KLHDC7B: variants seen among roughly 807,000 people sequenced by gnomAD.
The protein encoded by KLHDC7B is kelch domain containing 7B.
KLHDC7B carries 1 observed loss-of-function variant against 0.6 expected under a neutral mutation model. That is an observed-to-expected ratio of 1.71 (90% CI 0.61 to 8.11). KLHDC7B has a LOEUF of 8.11. Ranked by LOEUF, KLHDC7B falls within the 30% of genes most tolerant of loss-of-function variation. The probability of loss-of-function intolerance (pLI) is 0.13; values close to 1 mark genes in which losing one functional copy is unlikely to be tolerated. For missense variants in KLHDC7B, 993 were observed against 894.9 expected (o/e 1.11, Z -1.40); for synonymous variants, 462 against 405.2 (o/e 1.14, Z -1.68).
chr22:50,549,006 G>A lies in KLHDC7B; in HGVS notation c.2763G>A (p.Arg921=). 3 of 1,595,446 alleles carry A rather than the reference G, an allele frequency of 1.9e-6. No homozygotes were observed. ...RILSLRTGRG[R]AVLGVLVLPS... is the part of the protein sequence containing the mutation. ...TCAGCCTGCGGACCGGCCGGGGCCG[G>A]GCGGTGCTGGGCGTCCTCGTACTGC... Residue 921 remains arginine (R), a synonymous_variant, in exon 1 of 1, where the codon CGG becomes CGA. Coordinates refer to ENST00000648057, the MANE Select transcript of KLHDC7B (RefSeq NM_138433.5).
chr22:50,548,793 C>T lies in KLHDC7B; in HGVS notation c.2550C>T (p.Ala850=). The change falls in exon 1 of 1, where the codon GCC becomes GCT. Residue 850 remains alanine (A), a synonymous_variant. Transcript: ENST00000648057. This position sits in a 1 kb window ranked among gnomAD's most constrained non-coding sequence, Gnocchi z 5.3. ...RKPSSRALEP[A]TAAALRRRLD... The stretch of plus-strand genomic sequence containing the variant: ...CCAGCTCCCGGGCCCTGGAGCCCGC[C>T]ACGGCGGCAGCCCTGCGGCGGCGGC... The T allele has an allele frequency of 6.8e-7, 1 of 1,462,234 alleles. No individual in the cohort carries two copies. Among genetic ancestry groups the T allele is most frequent in the Non-Finnish European group, 9.0e-7 (1 of 1,112,526 alleles). The allele number at this position is 1,462,234 out of a possible 1,614,324, so 90.6% of individuals were successfully genotyped here. A position where few individuals can be genotyped will look rare whatever the true frequency, so the allele number is the denominator to read the frequency against.
In KLHDC7B at chr22:50,548,019, C is replaced by T. The variant is rs2069752650; in HGVS notation, c.1776C>T (p.Ser592=). 1 of 629,526 alleles carries T rather than the reference C, an allele frequency of 1.6e-6. No individual in the cohort carries two copies. Among genetic ancestry groups the T allele is most frequent in the Non-Finnish European group, 2.3e-6 (1 of 437,340 alleles). 39.0% of individuals were successfully genotyped at this position (629,526 alleles called of 1,614,324 possible). A position where few individuals can be genotyped will look rare whatever the true frequency, so the allele number is the denominator to read the frequency against. Residue 592 remains serine (S), a synonymous_variant, in exon 1 of 1, where the codon TCC becomes TCT. Transcript: ENST00000648057. This position sits in a 1 kb window ranked among gnomAD's most constrained non-coding sequence, Gnocchi z 5.3. ...APTPAPTPAA[S]PAPAPTSAPT... ...CTCCAGCCCCAACCCCAGCCGCATC[C>T]CCTGCCCCAGCCCCCACCTCAGCCC...
chr22:50,548,049 CCCA>C lies in KLHDC7B; in HGVS notation c.1807_1809del (p.Pro603del). The C allele has an allele frequency of 8.5e-7, 1 of 1,183,154 alleles. No individual in the cohort carries two copies. Among genetic ancestry groups the C allele is most frequent in the Non-Finnish European group, 1.1e-6 (1 of 923,836 alleles). 73.3% of individuals were successfully genotyped at this position (1,183,154 alleles called of 1,614,324 possible). ...CCCCAGCCCCCACCTCAGCCCCAAC[CCCA>C]ACCCCAGCCGCATCCCCTGCCCCAG... is the stretch of plus-strand genomic sequence containing the variant. On this transcript the variant is annotated inframe_deletion, in exon 1 of 1. Transcript: ENST00000648057. This position sits in a 1 kb window ranked among gnomAD's most constrained non-coding sequence, Gnocchi z 5.3.
In KLHDC7B at chr22:50,549,103, C is replaced by T. The variant is rs1569030325; in HGVS notation, c.2860C>T (p.Pro954Ser). 1 of 1,601,194 alleles carries T rather than the reference C, an allele frequency of 6.2e-7. No homozygotes were observed. The highest frequency in any genetic ancestry group is 1.7e-5 in the Admixed American group (1 of 60,002). The change falls in exon 1 of 1, where the codon CCT becomes TCT. Residue 954 changes from proline (P) to serine (S), a missense_variant. By Grantham distance (74) the Pro-to-Ser change is moderately conservative. Coordinates refer to ENST00000648057, the MANE Select transcript of KLHDC7B (RefSeq NM_138433.5). Reference protein sequence around the residue: ...PRGEEPPAAAPVSLPLPAHLH... With the variant: ...PRGEEPPAAASVSLPLPAHLH... Reference sequence around the variant, plus strand: ...TGGCGAGGAGCCTCCTGCGGCGGCCCCTGTGTCCCTGCCTCTACCTGCGCA... The same window carrying T: ...TGGCGAGGAGCCTCCTGCGGCGGCCTCTGTGTCCCTGCCTCTACCTGCGCA...
chr22:50,549,744 G>GGCCGCCC lies in KLHDC7B; in HGVS notation c.1578_1579insGCCGCCC (p.Pro527AlafsTer63). Reference sequence around the variant, plus strand: ...GGAGCAGGGCTGCCTCCCTGCCCCTGCCCGCCCCCGCCCCACTGCACTGCA... The same window carrying GGCCGCCC: ...GGAGCAGGGCTGCCTCCCTGCCCCTGGCCGCCCCCCGCCCCCGCCCCACTGCACTGCA... On this transcript the variant is annotated frameshift_variant, in exon 1 of 1. Transcript: ENST00000395676. LOFTEE classifies it low-confidence loss of function (END_TRUNC). 5 of 1,554,534 alleles carry GGCCGCCC rather than the reference G, an allele frequency of 3.2e-6. No individual in the cohort carries two copies. Among genetic ancestry groups the GGCCGCCC allele is most frequent in the Non-Finnish European group, 4.3e-6 (5 of 1,152,358 alleles).
chr22:50,547,438 AAGCCGGCTGC>A, upstream of KLHDC7B: 1 of 369,856 alleles, frequency 2.7e-6, no homozygotes, highest in South Asian at 1.4e-4. Context: ...GGAGCAAGCA[AAGCCGGCTGC>A]AGCCGGCCAC....
In KLHDC7B at chr22:50,550,304, G is replaced by A. The variant is rs778362320; in HGVS notation, c.*353G>A. On this transcript the variant is annotated 3_prime_UTR_variant, in exon 1 of 1. Coordinates refer to ENST00000648057, the MANE Select transcript of KLHDC7B (RefSeq NM_138433.5). ...ACTTGGCTCGCTGGAGCTCTGCTGA[G>A]CCGAGAGAGGAGGGGGTAGAAAACA... is the stretch of plus-strand genomic sequence containing the variant. 1.8e-4 allele frequency: 52 copies of A among 285,306 alleles called. No homozygotes were observed. The highest frequency in any genetic ancestry group is 3.3e-4 in the Non-Finnish European group (47 of 144,270). 17.7% of individuals were successfully genotyped at this position (285,306 alleles called of 1,614,324 possible).
At position 50,548,969 on chromosome 22, in the gene KLHDC7B, G is replaced by T; in HGVS notation, c.2726G>T (p.Arg909Leu). 1 of 1,598,058 alleles carries T rather than the reference G, an allele frequency of 6.3e-7. No individual in the cohort carries two copies. The highest frequency in any genetic ancestry group is 8.5e-7 in the Non-Finnish European group (1 of 1,174,510). The change falls in exon 1 of 1, where the codon CGC (arginine) becomes CTC (leucine). Residue 909 changes from arginine to leucine, a missense_variant. Physicochemically the swap from Arg to Leu is moderately radical, Grantham distance 102. Transcript: ENST00000648057. The surrounding 1 kb of genome is among the most constrained non-coding windows in gnomAD (Gnocchi z 5.3). ...TACCGCCGGCTGAGCGCGGCCGACCGCGAGCGCATCCTCAGCCTGCGGACC... is the reference window on the plus strand; with the variant it reads ...TACCGCCGGCTGAGCGCGGCCGACCTCGAGCGCATCCTCAGCCTGCGGACC... ...CLYRRLSAAD[R>L]ERILSLRTGR...
chr22:50,548,642 CG>C lies in KLHDC7B; in HGVS notation c.481del (p.Glu161ArgfsTer85). 1.3e-6 allele frequency: 2 copies of C among 1,531,456 alleles called. No homozygotes were observed. The highest frequency in any genetic ancestry group is 1.2e-5 in the South Asian group (1 of 82,592). The allele number at this position is 1,531,456 out of a possible 1,614,324, so 94.9% of individuals were successfully genotyped here. ...TCGGGGGACCCTCAAGGGGAGGCGCCGGGGGAGGGGGGCAGCCCTGCCGGCC... is the reference window on the plus strand; with the variant it reads ...TCGGGGGACCCTCAAGGGGAGGCGCCGGGGAGGGGGGCAGCCCTGCCGGCC... On this transcript the variant is annotated frameshift_variant, in exon 1 of 1. Coordinates refer to the KLHDC7B transcript ENST00000395676. LOFTEE classifies it low-confidence loss of function (END_TRUNC). The surrounding 1 kb of genome is among the most constrained non-coding windows in gnomAD (Gnocchi z 5.3).
chr22:50,548,122 T>C lies in KLHDC7B; in HGVS notation c.1879T>C (p.Tyr627His). The change falls in exon 1 of 1, where the codon TAC becomes CAC. Residue 627 changes from tyrosine to histidine, a missense_variant. Tyr to His is a moderately conservative substitution (Grantham distance 83, BLOSUM62 2). Transcript: ENST00000648057. The surrounding 1 kb of genome is among the most constrained non-coding windows in gnomAD (Gnocchi z 5.3). The part of the protein sequence containing the change: ...PQESVALPRR[Y>H]QEGQVSASWG... ...GGAGAGTGTGGCTCTCCCCAGGCGC[T>C]ACCAGGAGGGGCAGGTCTCAGCCAG... 1.4e-6 allele frequency: 2 copies of C among 1,449,956 alleles called. No individual in the cohort carries two copies. Among genetic ancestry groups the C allele is most frequent in the Non-Finnish European group, 1.8e-6 (2 of 1,098,982 alleles). 89.8% of individuals were successfully genotyped at this position (1,449,956 alleles called of 1,614,324 possible).
chr22:50,549,377 A>T lies in KLHDC7B; in HGVS notation c.3134A>T (p.Asp1045Val). Residue 1045 changes from aspartate to valine, a missense_variant, in exon 1 of 1, where the codon GAC becomes GTC. By Grantham distance (152) the Asp-to-Val change is radical. Coordinates refer to ENST00000648057, the MANE Select transcript of KLHDC7B (RefSeq NM_138433.5). ...ARAQLKLVAL[D>V]GLLYAIGGEC... ...GCCCAGCTCAAGCTGGTGGCCCTGG[A>T]CGGGCTGCTCTATGCCATCGGTGGC... 6.2e-7 allele frequency: 1 copy of T among 1,612,798 alleles called. No individual in the cohort carries two copies. The highest frequency in any genetic ancestry group is 8.5e-7 in the Non-Finnish European group (1 of 1,179,930).
Position 50,549,612 on chromosome 22 carries a change from C to T in KLHDC7B, c.3369C>T (p.His1123=). The change falls in exon 1 of 1, where the codon CAC becomes CAT. Residue 1123 remains histidine, a synonymous_variant. Coordinates refer to ENST00000648057, the MANE Select transcript of KLHDC7B (RefSeq NM_138433.5). ...ACGAGTGCCCATACAGTGCCAGCCA[C>T]CGGCGTTCCAGCGACATCGTGGCAC... ...AWDECPYSAS[H]RRSSDIVALG... is the part of the protein sequence containing the mutation. The T allele has an allele frequency of 6.4e-7, 1 of 1,559,502 alleles. No individual in the cohort carries two copies. Among genetic ancestry groups the T allele is most frequent in the South Asian group, 1.2e-5 (1 of 83,368 alleles).
rs1445050362 is a variant in KLHDC7B, at chr22:50,546,544, C to T, written c.301C>T (p.Arg101Cys). 2.5e-6 allele frequency: 1 copy of T among 398,766 alleles called. No homozygotes were observed. The highest frequency in any genetic ancestry group is 3.6e-5 in the East Asian group (1 of 28,058). 24.7% of individuals were successfully genotyped at this position (398,766 alleles called of 1,614,324 possible). ...PGQGKPEPPG[R>C]GQQSPVPAAA... The stretch of plus-strand genomic sequence containing the variant: ...GCAGGGGAAACCAGAGCCCCCAGGA[C>T]GCGGCCAGCAGAGCCCTGTCCCTGC... Residue 101 changes from arginine to cysteine, a missense_variant, in exon 1 of 1, where the codon CGC (arginine) becomes TGC (cysteine). Coordinates refer to ENST00000648057, the MANE Select transcript of KLHDC7B (RefSeq NM_138433.5).
rs1327287476 is a variant in KLHDC7B at position 50,550,011 on chromosome 22, G to C, written c.*60G>C. On this transcript the variant is annotated 3_prime_UTR_variant, in exon 1 of 1. Transcript: ENST00000648057. The stretch of plus-strand genomic sequence containing the variant: ...CTCCAGGGAGACCCTCCTGGGATGG[G>C]CCTGAGAGGCCGGGGCTCAGGGAAG... 1 of 1,434,212 alleles carries C rather than the reference G, an allele frequency of 7.0e-7. No homozygotes were observed. The highest frequency in any genetic ancestry group is 1.5e-5 in the South Asian group (1 of 67,390). The allele number at this position is 1,434,212 out of a possible 1,614,324, so 88.8% of individuals were successfully genotyped here.
rs2069737839 is a variant in KLHDC7B, at chr22:50,547,060, G to A, written c.817G>A (p.Ala273Thr). 3.3e-5 allele frequency among the ~76,000 whole-genome samples: 5 copies of A among 151,654 alleles called. No homozygotes were observed. Among genetic ancestry groups the A allele is most frequent in the Admixed American group, 6.6e-5 (1 of 15,224 alleles). ...VDGAAALDAH[A>T]RGLPTGPPLA... ...CGGGGCCGCCGCCCTGGACGCCCAC[G>A]CGCGCGGCCTCCCCACAGGACCCCC... Residue 273 changes from alanine (A) to threonine (T), a missense_variant, in exon 1 of 1, where the codon GCG becomes ACG. Coordinates refer to ENST00000648057, the MANE Select transcript of KLHDC7B (RefSeq NM_138433.5).
chr22:50,547,541 A>G lies in KLHDC7B; in HGVS notation c.1298A>G (p.Glu433Gly). ...PAAPGPGFPP[E>G]ALTLPSPSDF... ...GCTCCCGGCCCGGGGTTCCCACCTG[A>G]AGCCCTGACTCTCCCCTCTCCTTCA... The change falls in exon 1 of 1, where the codon GAA becomes GGA. Residue 433 changes from glutamate (E) to glycine (G), a missense_variant. Coordinates refer to ENST00000648057, the MANE Select transcript of KLHDC7B (RefSeq NM_138433.5). 2.5e-6 allele frequency: 1 copy of G among 398,726 alleles called. No individual in the cohort carries two copies. The highest frequency in any genetic ancestry group is 2.1e-5 in the African/African-American group (1 of 48,648). 24.7% of individuals were successfully genotyped at this position (398,726 alleles called of 1,614,324 possible).
rs748737057 is a variant in KLHDC7B, at chr22:50,548,909, A to G, written c.2666A>G (p.Asp889Gly). The change falls in exon 1 of 1, where the codon GAC becomes GGC. Residue 889 changes from aspartate to glycine, a missense_variant. Coordinates refer to ENST00000648057, the MANE Select transcript of KLHDC7B (RefSeq NM_138433.5). The surrounding 1 kb of genome is among the most constrained non-coding windows in gnomAD (Gnocchi z 5.3). ...CAGGAGACCTACGCGCTGATGAGCGACAACCTGCTGCGAGTGCTGGGAGAC... is the reference window on the plus strand; with the variant it reads ...CAGGAGACCTACGCGCTGATGAGCGGCAACCTGCTGCGAGTGCTGGGAGAC... ...LAQETYALMS[D>G]NLLRVLGDPC... 7.0e-5 allele frequency: 112 copies of G among 1,591,602 alleles called. No homozygotes were observed. The highest frequency in any genetic ancestry group is 8.8e-5 in the Non-Finnish European group (103 of 1,170,496).
rs1383910812 is a variant in KLHDC7B at position 50,548,119 on chromosome 22, C to T, written c.1876C>T (p.Arg626Cys). The change falls in exon 1 of 1, where the codon CGC becomes TGC. Residue 626 changes from arginine (R) to cysteine (C), a missense_variant. Transcript: ENST00000648057. The surrounding 1 kb of genome is among the most constrained non-coding windows in gnomAD (Gnocchi z 5.3). ...TCAGGAGAGTGTGGCTCTCCCCAGG[C>T]GCTACCAGGAGGGGCAGGTCTCAGC... The part of the protein sequence containing the change: ...KPQESVALPR[R>C]YQEGQVSASW... 6 of 1,457,550 alleles carry T rather than the reference C, an allele frequency of 4.1e-6. No homozygotes were observed. Among genetic ancestry groups the T allele is most frequent in the Non-Finnish European group, 5.4e-6 (6 of 1,104,654 alleles). The allele number at this position is 1,457,550 out of a possible 1,614,324, so 90.3% of individuals were successfully genotyped here.
Position 50,547,745 on chromosome 22 carries a change from C to G in KLHDC7B, c.1502C>G (p.Ser501Cys), listed in dbSNP as rs2069747339. 1 of 495,430 alleles carries G rather than the reference C, an allele frequency of 2.0e-6. No individual in the cohort carries two copies. The highest frequency in any genetic ancestry group is 3.8e-5 in the Admixed American group (1 of 26,658). 30.7% of individuals were successfully genotyped at this position (495,430 alleles called of 1,614,324 possible). Reference protein sequence around the residue: ...APTSATTSTSSPTSAPAPAPT... With the variant: ...APTSATTSTSCPTSAPAPAPT... ...ACCTCAGCCACCACCTCAACCTCAT[C>G]CCCCACCTCAGCCCCAGCCCCAGCT... The change falls in exon 1 of 1, where the codon TCC (serine) becomes TGC (cysteine). Residue 501 changes from serine to cysteine, a missense_variant. Ser to Cys is a moderately radical substitution (Grantham distance 112). Transcript: ENST00000648057.
Sources: gnomAD v4.1 joint callset for allele counts (sites outside exome capture counted in the v4.1 genomes callset) on GRCh38, gnomAD v4.1.1 for gene constraint, Gnocchi (gnomAD v3.1) non-coding constraint, MANE v1.5 for transcripts, NCBI Gene and HGNC (gene_info 2026-07-23, HGNC 2026-07-21) for gene names.